The following DPP10 variants were observed in gnomAD, a reference collection of about 807,000 sequenced individuals.
DPP10 encodes the protein inactive dipeptidyl peptidase 10.
A neutral mutation model predicts 120.9 loss-of-function variants in DPP10; 33 were observed. That is an observed-to-expected ratio of 0.27 (90% CI 0.21 to 0.37). DPP10 has a LOEUF of 0.37. DPP10 is among the 10% of genes least tolerant of loss of function. The pLI is 1.00. For missense variants in DPP10, 816 were observed against 942.8 expected (o/e 0.87, Z 1.76); for synonymous variants, 337 against 326.1 (o/e 1.03, Z -0.36).
At chr2:115,210,779 G>C (rs2056459374) in intron 1 of DPP10, among the ~76,000 whole-genome samples, 1 of 152,046 alleles carries the variant, frequency 6.6e-6, no homozygotes, top group Admixed American at 6.6e-5. Flanking sequence ...GTGATGATGA[G>C]CATTTTTTCA....
chr2:114,589,092 T>G (rs140429776), intron 1 of DPP10, among the ~76,000 whole-genome samples: 1 of 151,996 alleles, frequency 6.6e-6, no homozygotes, highest in Non-Finnish European at 1.5e-5. Flanking sequence ...AACAAGATTT[T>G]ATTGTAGCAC....
chr2:115,514,475 T>C (rs12612173), intron 4 of DPP10, among the ~76,000 whole-genome samples: 31,180 of 151,572 alleles, frequency 0.21, 4,417 homozygotes, highest in African/African-American at 0.39. Flanking sequence ...CTTTAAATTA[T>C]AATTTTAATA....
chr2:115,651,695 G>A (rs1371957314), intron 5 of DPP10, among the ~76,000 whole-genome samples: 1 of 151,832 alleles, frequency 6.6e-6, no homozygotes, highest in Non-Finnish European at 1.5e-5. Context: ...TACCATATGG[G>A]GACTGGAAAA....
chr2:115,697,802 G>A (rs916518878), intron 7 of DPP10, among the ~76,000 whole-genome samples: 10 of 151,964 alleles, frequency 6.6e-5, no homozygotes, highest in Non-Finnish European at 8.8e-5. Flanking sequence ...TGGCTAACAC[G>A]GTGAAACCCC....
intron 1 of DPP10, among the ~76,000 whole-genome samples, chr2:114,484,707 G>A (rs1416470217): frequency 6.6e-6 from 1 of 152,050 alleles, no homozygotes; most frequent in South Asian, 2.1e-4. Flanking sequence ...CAGGAATCTC[G>A]AACAATATCC....
intron 1 of DPP10, among the ~76,000 whole-genome samples, chr2:114,719,462 G>A (rs542495942): frequency 7.9e-5 from 12 of 152,248 alleles, no homozygotes; most frequent in East Asian, 3.9e-4. Flanking sequence ...GTTCATGTCC[G>A]CTGCTTCTCC....
intron 1 of DPP10, among the ~76,000 whole-genome samples, chr2:114,462,635 C>T (rs1405086742): frequency 6.6e-6 from 1 of 152,144 alleles, no homozygotes; most frequent in African/African-American, 2.4e-5. Context: ...TGACTTATCA[C>T]TGATGCTGTT....
intron 5 of DPP10, among the ~76,000 whole-genome samples, chr2:115,654,587 G>T (rs2088116792): frequency 6.6e-6 from 1 of 151,760 alleles, no homozygotes; most frequent in African/African-American, 2.4e-5. Flanking sequence ...GGATTGGGGT[G>T]GCTCTTGCAT....
chr2:115,145,266 C>T (rs2051159323), intron 1 of DPP10, among the ~76,000 whole-genome samples: 1 of 152,076 alleles, frequency 6.6e-6, no homozygotes, highest in South Asian at 2.1e-4. Context: ...GAATAGTTTC[C>T]TGTTCCTAAA....
At chr2:115,255,554 A>T (rs768777347) in intron 1 of DPP10, among the ~76,000 whole-genome samples, 1 of 152,072 alleles carries the variant, frequency 6.6e-6, no homozygotes, top group African/African-American at 2.4e-5. Flanking sequence ...TTTCTTTTCT[A>T]TCATATTGTC....
At chr2:115,163,489 C>T (rs892079609) in intron 1 of DPP10, among the ~76,000 whole-genome samples, 1 of 152,190 alleles carries the variant, frequency 6.6e-6, no homozygotes, top group Non-Finnish European at 1.5e-5. Flanking sequence ...CTGTTTGATC[C>T]ATACTCTGAG....
intron 3 of DPP10, among the ~76,000 whole-genome samples, chr2:115,465,240 G>A (rs843431): frequency 0.97 from 147,511 of 152,240 alleles, 71,637 homozygotes; most frequent in East Asian, 1. Flanking sequence ...AGCTTTGCAC[G>A]TAATGCTGTT....
intron 5 of DPP10, among the ~76,000 whole-genome samples, chr2:115,544,500 A>G: frequency 6.6e-6 from 1 of 152,102 alleles, no homozygotes; most frequent in Non-Finnish European, 1.5e-5. Context: ...AACCTGGTCA[A>G]GGTTTTAAAC....
rs555900245 is a variant in DPP10, at chr2:114,865,009, C to T, written c.60+422171C>T. On this transcript the variant is annotated intron_variant, in intron 1 of 25. Coordinates refer to ENST00000410059, the MANE Select transcript of DPP10 (RefSeq NM_020868.6). ...AATAGTAAAATCTGGGGAAAACATA[C>T]AAAGAACAGTAACTCACCTAGATTT... 3.3e-5 allele frequency among the ~76,000 whole-genome samples: 5 copies of T among 152,288 alleles called. No homozygotes were observed. The South Asian group carries it at 1.0e-3, about 32-fold the overall frequency.
intron 1 of DPP10, among the ~76,000 whole-genome samples, chr2:114,917,990 C>T (rs1163123472): frequency 6.6e-6 from 1 of 152,158 alleles, no homozygotes; most frequent in East Asian, 1.9e-4. Flanking sequence ...TTCTGCACAG[C>T]AAAAGAAACT....
At chr2:115,581,344 T>C (rs1403955609) in intron 5 of DPP10, among the ~76,000 whole-genome samples, 1 of 152,204 alleles carries the variant, frequency 6.6e-6, no homozygotes, top group Non-Finnish European at 1.5e-5. Flanking sequence ...TTCATTTTAC[T>C]TCATAATGGG....
At chr2:115,162,038 G>T (rs1296946704) in intron 1 of DPP10, 38 of 1,412,360 alleles carry the variant, frequency 2.7e-5, no homozygotes, top group Non-Finnish European at 2.8e-5. Flanking sequence ...GGTGAGAGTC[G>T]GCAGCCGCGG....
intron 1 of DPP10, among the ~76,000 whole-genome samples, chr2:114,962,646 G>T (rs1313715464): frequency 6.6e-6 from 1 of 152,162 alleles, no homozygotes; most frequent in South Asian, 2.1e-4. Context: ...TCTGCCCTTT[G>T]AGAGAAAGAG....
chr2:115,212,628 A>G (rs2056590245), intron 1 of DPP10, among the ~76,000 whole-genome samples: 2 of 152,186 alleles, frequency 1.3e-5, no homozygotes, highest in African/African-American at 4.8e-5. Flanking sequence ...TTAAAAGAAA[A>G]AAAGTATTTA....
Sources: gnomAD v4.1 joint callset for allele counts (sites outside exome capture counted in the v4.1 genomes callset) on GRCh38, gnomAD v4.1.1 for gene constraint, MANE v1.5 for transcripts, NCBI Gene and HGNC (gene_info 2026-07-23, HGNC 2026-07-21) for gene names.